The following C12orf42 variants were observed in gnomAD, a reference collection of about 807,000 sequenced individuals.
C12orf42 encodes the protein chromosome 12 open reading frame 42.
A neutral mutation model predicts 21.6 loss-of-function variants in C12orf42; 25 were observed. The observed-to-expected ratio is 1.16, with a 90% CI of 0.84 to 1.62. The LOEUF (loss-of-function observed/expected upper bound fraction) is 1.62, where lower values mean the gene tolerates loss of function less well. Ranked by LOEUF, C12orf42 falls within the 40% of genes most tolerant of loss-of-function variation. The probability of loss-of-function intolerance (pLI) is 0.00; values close to 1 mark genes in which losing one functional copy is unlikely to be tolerated. For missense variants in C12orf42, 483 were observed against 459.3 expected (o/e 1.05, Z -0.47); for synonymous variants, 174 against 175.0 (o/e 0.99, Z 0.05).
At chr12:103,556,867 AG>A in the C12orf42 span, among the ~76,000 whole-genome samples, 2 of 151,882 alleles carry the variant, frequency 1.3e-5, no homozygotes, top group African/African-American at 4.8e-5. Context: ...AGAGACACAC[AG>A]AGAAGAGACA....
the C12orf42 span, among the ~76,000 whole-genome samples, chr12:103,156,504 T>C: frequency 2.9e-4 from 44 of 152,296 alleles, no homozygotes; most frequent in Admixed American, 1.8e-3. Context: ...CAATAAAAAG[T>C]GAATTTTTTT....
chr12:103,156,603 C>T, the C12orf42 span, among the ~76,000 whole-genome samples: 2 of 151,974 alleles, frequency 1.3e-5, no homozygotes, highest in African/African-American at 2.4e-5. Context: ...CACCTATTGA[C>T]CTGTCCTCTA....
intron 2 of C12orf42, among the ~76,000 whole-genome samples, chr12:103,425,354 C>G (rs886621202): frequency 6.6e-6 from 1 of 152,204 alleles, no homozygotes; most frequent in African/African-American, 2.4e-5. Flanking sequence ...CAGACTGCCT[C>G]CTCAAGTGGG....
chr12:103,170,143 G>C, the C12orf42 span, among the ~76,000 whole-genome samples: 1 of 152,028 alleles, frequency 6.6e-6, no homozygotes, highest in Admixed American at 6.5e-5. Flanking sequence ...TCCTTTGCTG[G>C]GTACTTTTCA....
the C12orf42 span, among the ~76,000 whole-genome samples, chr12:103,157,195 C>T: frequency 3.9e-5 from 6 of 152,172 alleles, 1 homozygote; most frequent in African/African-American, 1.4e-4. Context: ...TATCTCATTG[C>T]AGTTTTGATT....
chr12:103,132,065 C>T, the C12orf42 span, among the ~76,000 whole-genome samples: 2 of 152,188 alleles, frequency 1.3e-5, no homozygotes, highest in Non-Finnish European at 2.9e-5. Context: ...TGTTTCTTGT[C>T]CAGCTCCTCA....
At chr12:103,339,849 T>C (rs1041282311) in intron 4 of C12orf42, among the ~76,000 whole-genome samples, 1 of 152,244 alleles carries the variant, frequency 6.6e-6, no homozygotes, top group African/African-American at 2.4e-5. Context: ...GAAGTTCATC[T>C]GTACTCAAAT....
At chr12:103,349,653 A>G (rs2042942099) in intron 4 of C12orf42, among the ~76,000 whole-genome samples, 1 of 152,176 alleles carries the variant, frequency 6.6e-6, no homozygotes, top group Non-Finnish European at 1.5e-5. Flanking sequence ...ACTTCTGTAC[A>G]AAAATAAGAT....
At chr12:103,183,007 A>G in the C12orf42 span, among the ~76,000 whole-genome samples, 1 of 152,232 alleles carries the variant, frequency 6.6e-6, no homozygotes, top group Non-Finnish European at 1.5e-5. Flanking sequence ...CCCTTTTATA[A>G]TAATCACTGT....
intron 3 of C12orf42, among the ~76,000 whole-genome samples, chr12:103,384,135 G>C (rs1235578101): frequency 1.3e-5 from 2 of 152,098 alleles, no homozygotes; most frequent in African/African-American, 4.8e-5. Context: ...AATTTTACAA[G>C]TACATAATTT....
chr12:103,316,088 ATATATATATACACACACAG>A lies in C12orf42; in HGVS notation c.260-9762_260-9744del, dbSNP rs1256734526. Among the ~76,000 whole-genome samples the A allele has an allele frequency of 4.1e-4, 61 of 150,586 alleles. No individual in the cohort carries two copies. In the South Asian group the frequency reaches 0.012, roughly 29 times the overall value. On this transcript the variant is annotated intron_variant, in intron 4 of 5. Transcript: ENST00000548883. The stretch of plus-strand genomic sequence containing the variant: ...CACACACAGTACTATATAGTACTGT[ATATATATATACACACACAG>A]TATATATATACACACACACACAGTA...
chr12:103,055,539 G>A, the C12orf42 span, among the ~76,000 whole-genome samples: 1 of 151,756 alleles, frequency 6.6e-6, no homozygotes, highest in African/African-American at 2.4e-5. Context: ...TTGCTTTTCT[G>A]TGTTTTACCT....
downstream of C12orf42, among the ~76,000 whole-genome samples, chr12:103,301,209 A>G (rs1424184292): frequency 6.6e-6 from 1 of 152,204 alleles, no homozygotes; most frequent in Non-Finnish European, 1.5e-5. Flanking sequence ...TAAATGCAGT[A>G]AGATTTGACA....
chr12:103,341,568 G>A (rs2042178566), intron 4 of C12orf42, among the ~76,000 whole-genome samples: 1 of 152,092 alleles, frequency 6.6e-6, no homozygotes, highest in South Asian at 2.1e-4. Flanking sequence ...ATGGAAAAGA[G>A]ACAAAAGAAC....
At chr12:103,068,939 A>G in the C12orf42 span, among the ~76,000 whole-genome samples, 3 of 9,752 alleles carry the variant, frequency 3.1e-4, no homozygotes, top group African/African-American at 4.9e-4. Flanking sequence ...CTCCACATAT[A>G]TATATATATA....
chr12:103,302,017 G>A lies in C12orf42; in HGVS notation c.*91C>T. ...ACAAAAGCCTAACAATGGTTCTGTG[G>A]AAACCAGTACATCTGAGGCCCTTTC... On this transcript the variant is annotated 3_prime_UTR_variant, in exon 6 of 6. Coordinates refer to ENST00000548883, the MANE Select transcript of C12orf42 (RefSeq NM_198521.5). 2 of 1,356,008 alleles carry A rather than the reference G, an allele frequency of 1.5e-6. No homozygotes were observed. The highest frequency in any genetic ancestry group is 2.0e-6 in the Non-Finnish European group (2 of 987,246). 84.0% of individuals were successfully genotyped at this position (1,356,008 alleles called of 1,614,324 possible).
At chr12:103,416,962 C>T (rs924965543) in intron 2 of C12orf42, among the ~76,000 whole-genome samples, 5 of 152,142 alleles carry the variant, frequency 3.3e-5, no homozygotes, top group African/African-American at 1.2e-4. Context: ...AAGGGCCTAT[C>T]CTTCCCTTAT....
At chr12:103,334,799 A>G (rs977863463) in intron 4 of C12orf42, among the ~76,000 whole-genome samples, 1 of 152,186 alleles carries the variant, frequency 6.6e-6, no homozygotes, top group African/African-American at 2.4e-5. Flanking sequence ...GCCAACCACC[A>G]TATGGCGAAT....
In C12orf42 at chr12:103,450,460, T is replaced by G. The variant is rs979463151; in HGVS notation, c.78+27889A>C. 8.5e-5 allele frequency among the ~76,000 whole-genome samples: 13 copies of G among 152,228 alleles called. 1 individual carries two copies. The highest frequency in any genetic ancestry group is 2.6e-4 in the Admixed American group (4 of 15,282). On this transcript the variant is annotated intron_variant, in intron 2 of 5. Transcript: ENST00000548883. ...GTTCATGAAATTGTTCTATAACTTT[T>G]CTCTCATGTTTTCTTTCATTGGTTT...
Sources: allele counts gnomAD v4.1 joint callset (sites outside exome capture counted in the v4.1 genomes callset), GRCh38; gene constraint gnomAD v4.1.1; transcripts MANE v1.5; gene names NCBI Gene and HGNC (gene_info 2026-07-23, HGNC 2026-07-21).